Variants in PTBP2 observed in about 807,000 individuals in gnomAD.
The protein encoded by PTBP2 is polypyrimidine tract-binding protein 2.
Under a neutral mutation model 61.4 loss-of-function variants are expected in PTBP2, and 13 were observed. The ratio of observed to expected loss-of-function variants is 0.21; its 90% CI spans 0.14 to 0.34. The LOEUF is 0.34. Ranked by LOEUF, PTBP2 falls within the 10% of genes least tolerant of loss-of-function variation. The pLI, the probability that PTBP2 is intolerant of heterozygous loss-of-function variation, is 1.00. For missense variants in PTBP2, 405 were observed against 642.6 expected, an observed-to-expected ratio of 0.63 and a Z score of 4.00; for synonymous variants, 215 against 218.5, an observed-to-expected ratio of 0.98 and a Z score of 0.14.
At chr1:96,795,408 C>G (rs1660276516) in intron 8 of PTBP2, among the ~76,000 whole-genome samples, 1 of 152,156 alleles carries the variant, frequency 6.6e-6, no homozygotes, top group African/African-American at 2.4e-5. Flanking sequence ...GAGGAGTCCA[C>G]TGGACAGTAG....
downstream of PTBP2, chr1:96,819,687 T>G (rs1031595988): frequency 6.6e-6 from 1 of 151,512 alleles, no homozygotes; most frequent in African/African-American, 2.4e-5. Context: ...CTCCCTTTTT[T>G]TGTGGGTTTT....
At chr1:96,724,860 G>A (rs34658983) in intron 2 of PTBP2, among the ~76,000 whole-genome samples, 44,222 of 151,720 alleles carry the variant, frequency 0.29, 7,156 homozygotes, top group East Asian at 0.44. Context: ...GTATAATAAT[G>A]ATAATAATAA....
chr1:96,790,813 T>C lies in PTBP2; in HGVS notation c.904+5559T>C, dbSNP rs189343538. ...AAATGGTGACCTTAGCCCAGAAGTA[T>C]GTAATTATTTAATTTGGCCTTGACC... On this transcript the variant is annotated intron_variant, in intron 8 of 13. Coordinates refer to ENST00000674951, the MANE Select transcript of PTBP2 (RefSeq NM_021190.4). Among the ~76,000 whole-genome samples the C allele has an allele frequency of 3.9e-3, 590 of 152,240 alleles. 3 individuals are homozygous for C. The highest frequency in any genetic ancestry group is 7.5e-3 in the Non-Finnish European group (509 of 68,018).
At chr1:96,762,013 C>G (rs1655943939) in intron 3 of PTBP2, among the ~76,000 whole-genome samples, 1 of 151,052 alleles carries the variant, frequency 6.6e-6, no homozygotes, top group Non-Finnish European at 1.5e-5. Context: ...CCATTTAACC[C>G]TGAGTGGACA....
chr1:96,778,486 G>T (rs1658295116), intron 7 of PTBP2, among the ~76,000 whole-genome samples: 1 of 151,786 alleles, frequency 6.6e-6, no homozygotes. Context: ...AGGTCATTGA[G>T]AGATGTAAAA....
At chr1:96,820,412 A>G (rs1456208993) in exon 14 of PTBP2, 7 of 152,136 alleles carry the variant, frequency 4.6e-5, no homozygotes, top group East Asian at 1.9e-4. Flanking sequence ...TTAGGGAACA[A>G]TTTAAGCATA....
At chr1:96,722,983 G>C (rs1362676161) in intron 1 of PTBP2, among the ~76,000 whole-genome samples, 2 of 152,190 alleles carry the variant, frequency 1.3e-5, no homozygotes, top group African/African-American at 4.8e-5. Flanking sequence ...ATTAAAATCA[G>C]TGAGTATTTG....
chr1:96,765,708 T>TCAGATAGA (rs142433685), intron 3 of PTBP2, among the ~76,000 whole-genome samples: 66 of 147,392 alleles, frequency 4.5e-4, no homozygotes, highest in Non-Finnish European at 7.9e-4. Flanking sequence ...AGACTCTGTC[T>TCAGATAGA]TAGATAGATA....
intron 3 of PTBP2, among the ~76,000 whole-genome samples, chr1:96,762,476 G>A (rs1486013887): frequency 5.3e-5 from 7 of 132,026 alleles, no homozygotes; most frequent in African/African-American, 9.1e-5. Context: ...CGGACGGGGC[G>A]GCTGGCCGGG....
At chr1:96,751,317 T>G in intron 2 of PTBP2, 108 bp from the exon 3 acceptor site, 5 of 887,744 alleles carry the variant, frequency 5.6e-6, no homozygotes, top group Non-Finnish European at 9.4e-6. Flanking sequence ...GGATTAACAT[T>G]TTTAACTATT....
chr1:96,792,104 T>C (rs1659909631), intron 8 of PTBP2, among the ~76,000 whole-genome samples: 1 of 152,164 alleles, frequency 6.6e-6, no homozygotes, highest in Non-Finnish European at 1.5e-5. Flanking sequence ...CCCAAAGTGC[T>C]GGGATTACGG....
intron 2 of PTBP2, among the ~76,000 whole-genome samples, chr1:96,739,687 C>T (rs909162217): frequency 2.2e-5 from 3 of 134,114 alleles, no homozygotes; most frequent in Non-Finnish European, 3.0e-5. Context: ...AGTGCAGTGG[C>T]GCGATCTCTG....
At chr1:96,752,594 GTCAA>G (rs1458515555) in intron 3 of PTBP2, among the ~76,000 whole-genome samples, 1 of 152,130 alleles carries the variant, frequency 6.6e-6, no homozygotes, top group Non-Finnish European at 1.5e-5. Context: ...GATTTTGATA[GTCAA>G]AGTACCATGT....
At chr1:96,746,084 A>G (rs1030081967) in intron 2 of PTBP2, among the ~76,000 whole-genome samples, 2 of 151,686 alleles carry the variant, frequency 1.3e-5, no homozygotes, top group Non-Finnish European at 2.9e-5. Flanking sequence ...ACAAAAAAAA[A>G]CAACAACAAA....
rs148604182 is a variant in PTBP2, at chr1:96,785,184, A to G, written c.834A>G (p.Pro278=). The G allele has an allele frequency of 1.0e-4, 168 of 1,611,604 alleles. No individual in the cohort carries two copies. The African/African-American group carries it at 1.7e-3, about 16-fold the overall frequency. ...GGGATTATACTCGACCTGATCTTCC[A>G]TCTGGGGATGGACAACCTGCATTGG... ...KSRDYTRPDL[P]SGDGQPALDP... Residue 278 remains proline, a synonymous_variant, in exon 8 of 14, where the codon CCA becomes CCG. Transcript: ENST00000674951.
At chr1:96,768,649 T>C (rs927862888) in intron 3 of PTBP2, among the ~76,000 whole-genome samples, 2 of 152,000 alleles carry the variant, frequency 1.3e-5, no homozygotes, top group African/African-American at 4.8e-5. Context: ...TTGAATAATA[T>C]TTTTATTTTT....
chr1:96,760,142 A>G (rs1047430752), intron 3 of PTBP2, among the ~76,000 whole-genome samples: 14 of 152,054 alleles, frequency 9.2e-5, no homozygotes, highest in Non-Finnish European at 1.5e-4. Context: ...AACCATATCA[A>G]TGACAAAGGA....
intron 2 of PTBP2, among the ~76,000 whole-genome samples, chr1:96,734,959 C>T (rs1196894026): frequency 6.8e-6 from 1 of 147,750 alleles, no homozygotes; most frequent in Non-Finnish European, 1.5e-5. Context: ...GCCCTGTTGC[C>T]CAGGCTGGAG....
chr1:96,742,662 C>CTTTTTTT (rs373120041), intron 2 of PTBP2, among the ~76,000 whole-genome samples: 2 of 120,026 alleles, frequency 1.7e-5, no homozygotes, highest in Non-Finnish European at 3.6e-5. Flanking sequence ...ATAGCTTTGG[C>CTTTTTTT]TTTTTTTTTT....
Sources: gnomAD v4.1 joint callset for allele counts (sites outside exome capture counted in the v4.1 genomes callset) on GRCh38, gnomAD v4.1.1 for gene constraint, MANE v1.5 for transcripts, NCBI Gene and HGNC (gene_info 2026-07-23, HGNC 2026-07-21) for gene names.